The following DISC1 variants were observed in gnomAD, a reference collection of about 807,000 sequenced individuals.
The protein encoded by DISC1 is disrupted in schizophrenia 1 protein.
In DISC1, 57 loss-of-function variants were observed where a neutral mutation model predicts 84.5. The ratio of observed to expected loss-of-function variants is 0.67; its 90% confidence interval spans 0.55 to 0.84. The LOEUF is 0.84. Among genes scored for constraint, DISC1 ranks in the 40% least tolerant of loss-of-function variants. The pLI is 0.00. For synonymous variants in DISC1, 411 were observed against 415.2 expected, an observed-to-expected ratio of 0.99 and a Z score of 0.12; for missense variants, 1,000 against 1,057.8, an observed-to-expected ratio of 0.95 and a Z score of 0.76.
intron 6 of DISC1, among the ~76,000 whole-genome samples, chr1:231,794,995 A>G (rs1263437853): frequency 6.6e-6 from 1 of 152,160 alleles, no homozygotes; most frequent in African/African-American, 2.4e-5. Context: ...TTATCAGTAG[A>G]TGTACACTCT....
intron 11 of DISC1, among the ~76,000 whole-genome samples, chr1:232,019,927 T>C (rs1668801752): frequency 1.3e-5 from 2 of 152,160 alleles, no homozygotes; most frequent in Admixed American, 1.3e-4. Context: ...TTAATAAGAC[T>C]GAACCCTCCA....
intron 9 of DISC1, among the ~76,000 whole-genome samples, chr1:231,894,935 A>C (rs76063676): frequency 6.6e-5 from 10 of 150,502 alleles, no homozygotes; most frequent in South Asian, 4.2e-4. Flanking sequence ...ACACACACCC[A>C]CACACACACA....
intron 9 of DISC1, among the ~76,000 whole-genome samples, chr1:231,889,268 C>G (rs1457022960): frequency 6.6e-6 from 1 of 152,132 alleles, no homozygotes; most frequent in African/African-American, 2.4e-5. Context: ...ATGGGCAGGA[C>G]AAGCCACCTT....
chr1:231,685,875 G>A (rs749161854), intron 1 of DISC1, among the ~76,000 whole-genome samples: 1 of 152,178 alleles, frequency 6.6e-6, no homozygotes, highest in Non-Finnish European at 1.5e-5. Context: ...ATACAATGGG[G>A]GTACCAGTAT....
chr1:231,744,452 A>G (rs2073732338), intron 3 of DISC1, among the ~76,000 whole-genome samples: 1 of 152,244 alleles, frequency 6.6e-6, no homozygotes, highest in African/African-American at 2.4e-5. Flanking sequence ...ATAAGTTCTC[A>G]TTAGAATGGA....
intron 11 of DISC1, among the ~76,000 whole-genome samples, chr1:232,010,573 A>T (rs1363090042): frequency 2.0e-5 from 3 of 152,144 alleles, no homozygotes. Flanking sequence ...TACCCATCTA[A>T]AGGTTCTCAG....
chr1:231,683,425 A>T (rs549237760), intron 1 of DISC1, among the ~76,000 whole-genome samples: 1 of 133,838 alleles, frequency 7.5e-6, no homozygotes, highest in African/African-American at 2.8e-5. Context: ...TACCACCATG[A>T]TTTTTTTTTT....
At chr1:231,737,012 G>A (rs370949163) in intron 3 of DISC1, among the ~76,000 whole-genome samples, 2 of 152,276 alleles carry the variant, frequency 1.3e-5, no homozygotes, top group African/African-American at 4.8e-5. Flanking sequence ...CTTTCATTCT[G>A]TTTCCTCATT....
chr1:231,900,629 T>G (rs2088098267), intron 9 of DISC1, among the ~76,000 whole-genome samples: 1 of 152,212 alleles, frequency 6.6e-6, no homozygotes, highest in South Asian at 2.1e-4. Flanking sequence ...AGAGAATCAA[T>G]GGCTTGTTTC....
At chr1:231,680,817 G>A (rs1173787809) in intron 1 of DISC1, among the ~76,000 whole-genome samples, 2 of 152,196 alleles carry the variant, frequency 1.3e-5, no homozygotes, top group Non-Finnish European at 2.9e-5. Flanking sequence ...GCAAAATGGA[G>A]CATTTAGAAA....
At chr1:231,864,391 C>T (rs1382063482) in intron 9 of DISC1, among the ~76,000 whole-genome samples, 2 of 152,150 alleles carry the variant, frequency 1.3e-5, no homozygotes, top group Admixed American at 6.5e-5. Context: ...GGGCCGGGCG[C>T]AGTGGCTCAC....
chr1:231,644,259 C>T (rs1290814536), intron 1 of DISC1, among the ~76,000 whole-genome samples: 2 of 152,216 alleles, frequency 1.3e-5, no homozygotes, highest in African/African-American at 2.4e-5. Flanking sequence ...ACCTTGCTTG[C>T]TCACCACTGC....
intron 9 of DISC1, among the ~76,000 whole-genome samples, chr1:231,834,199 C>T (rs772301497): frequency 1.1e-4 from 17 of 151,966 alleles, no homozygotes; most frequent in Non-Finnish European, 1.9e-4. Flanking sequence ...TAAGCCAGAC[C>T]GGGTGTAAGG....
intron 3 of DISC1, among the ~76,000 whole-genome samples, chr1:231,714,608 G>T (rs1202853443): frequency 6.6e-6 from 1 of 151,438 alleles, no homozygotes; most frequent in Non-Finnish European, 1.5e-5. Flanking sequence ...AAAGAGAGAA[G>T]AGAGAGAAAC....
At chr1:232,022,499 G>A (rs1275811151) in intron 11 of DISC1, among the ~76,000 whole-genome samples, 1 of 151,964 alleles carries the variant, frequency 6.6e-6, no homozygotes, top group Non-Finnish European at 1.5e-5. Context: ...GCAGAGACAG[G>A]GTTTTACCAT....
At chr1:231,840,011 G>A (rs932923947) in intron 9 of DISC1, among the ~76,000 whole-genome samples, 3 of 152,108 alleles carry the variant, frequency 2.0e-5, no homozygotes, top group Non-Finnish European at 4.4e-5. Flanking sequence ...GATTTGGAGG[G>A]GGCAAACATC....
At chr1:231,930,701 C>T (rs2090605852) in intron 9 of DISC1, among the ~76,000 whole-genome samples, 1 of 152,064 alleles carries the variant, frequency 6.6e-6, no homozygotes, top group Admixed American at 6.5e-5. Context: ...GCTGGGGAAG[C>T]ATTTCAAGAT....
Position 232,036,727 on chromosome 1 carries a change from ACT to A in DISC1, c.2464_2465del (p.Leu822AlafsTer60). The A allele has an allele frequency of 1.2e-6, 2 of 1,604,230 alleles. No homozygotes were observed. The highest frequency in any genetic ancestry group is 1.7e-6 in the Non-Finnish European group (2 of 1,172,792). On this transcript the variant is annotated frameshift_variant, in exon 13 of 13. Transcript: ENST00000439617. LOFTEE classifies it high-confidence loss of function. Reference sequence around the variant, plus strand: ...GAGGGAGCTCCAGATGGTGAAGGAAACTCTGCAGGCCATGATCCTGCAGCTCC... The same window carrying A: ...GAGGGAGCTCCAGATGGTGAAGGAAACTGCAGGCCATGATCCTGCAGCTCC... ...LRRELQMVKE[T>X]LQAMILQLQP...
chr1:231,800,136 C>A lies in DISC1; in HGVS notation c.1718C>A (p.Thr573Asn), dbSNP rs367543092. 4.3e-6 allele frequency: 7 copies of A among 1,611,256 alleles called. No individual in the cohort carries two copies. In the South Asian group the frequency reaches 6.6e-5, roughly 15 times the overall value. ...TGTATGAGTGAGAAATTCTGCAGCA[C>A]CCTGAGGAAGAAAGTTAACGATATT... ...KVCMSEKFCS[T>N]LRKKVNDIET... The change falls in exon 8 of 13, where the codon ACC becomes AAC. Residue 573 changes from threonine (T) to asparagine (N), a missense_variant. Thr to Asn is a moderately conservative substitution (Grantham distance 65). Around this residue, in one of 3 missense-constraint regions of DISC1, gnomAD observed 397 missense variants for 377.5 expected, o/e 1.05. Coordinates refer to ENST00000439617, the MANE Select transcript of DISC1 (RefSeq NM_018662.3).
Sources: allele counts gnomAD v4.1 joint callset (sites outside exome capture counted in the v4.1 genomes callset), GRCh38; gene constraint gnomAD v4.1.1; regional missense constraint gnomAD v4.1.1; transcripts MANE v1.5; gene names NCBI Gene and HGNC (gene_info 2026-07-23, HGNC 2026-07-21).